Variants in RBBP4 observed in about 807,000 individuals in gnomAD.
The protein encoded by RBBP4 is histone-binding protein RBBP4.
Under a neutral mutation model 57.2 loss-of-function variants are expected in RBBP4, and 3 were observed. The ratio of observed to expected loss-of-function variants is 0.05; its 90% CI spans 0.02 to 0.14. RBBP4 has a LOEUF of 0.14. RBBP4 is among the 10% of genes least tolerant of loss of function. The pLI is 1.00. For synonymous variants in RBBP4, 151 were observed against 171.5 expected (o/e 0.88, Z 0.93); for missense variants, 107 against 520.6 (o/e 0.21, Z 7.73).
At chr1:32,653,151 G>T (rs1195781073) in intron 2 of RBBP4, among the ~76,000 whole-genome samples, 1 of 152,054 alleles carries the variant, frequency 6.6e-6, no homozygotes, top group Non-Finnish European at 1.5e-5. Context: ...ACATATCGGG[G>T]ATCCAAATTA....
intron 11 of RBBP4, among the ~76,000 whole-genome samples, chr1:32,678,774 G>T: frequency 6.6e-6 from 1 of 151,468 alleles, no homozygotes; most frequent in African/African-American, 2.4e-5. Flanking sequence ...ATTTGTAGTA[G>T]AGATGCAGTT....
intron 3 of RBBP4, among the ~76,000 whole-genome samples, chr1:32,666,601 C>T (rs1003810920): frequency 6.6e-6 from 1 of 152,134 alleles, no homozygotes; most frequent in African/African-American, 2.4e-5. Context: ...AGGTGATCTG[C>T]CCGCTTCAGC....
chr1:32,677,490 A>ATTTGTTTTGTTTTTTTTTTTTTT (rs1649155518), intron 11 of RBBP4, among the ~76,000 whole-genome samples: 1 of 149,894 alleles, frequency 6.7e-6, no homozygotes, highest in Non-Finnish European at 1.5e-5. Flanking sequence ...AACAAAACAA[A>ATTTGTTTTGTTTTTTTTTTTTTT]AAACAAACAA....
chr1:32,653,637 GTTT>G lies in RBBP4; in HGVS notation c.164+1596_164+1598del, dbSNP rs1053666893. Among the ~76,000 whole-genome samples the G allele has an allele frequency of 5.3e-4, 11 of 20,782 alleles. 1 individual carries two copies. Among genetic ancestry groups the G allele is most frequent in the East Asian group, 2.4e-3 (1 of 424 alleles). 13.6% of individuals were successfully genotyped at this position (20,782 alleles called of 152,430 possible). A position where few individuals can be genotyped will look rare whatever the true frequency, so the allele number is the denominator to read the frequency against. On this transcript the variant is annotated intron_variant, in intron 2 of 11. Transcript: ENST00000373493. ...TGCTTTGTGTGTTTTTTGTTTTCTG[GTTT>G]TTTTTTTTTTTTTTTTTTTGTTTTT... is the stretch of plus-strand genomic sequence containing the variant.
At chr1:32,659,992 A>C (rs369407471) in intron 3 of RBBP4, among the ~76,000 whole-genome samples, 3 of 152,242 alleles carry the variant, frequency 2.0e-5, no homozygotes, top group East Asian at 3.8e-4. Context: ...TTGAAGTCCC[A>C]CAACAGCGTA....
chr1:32,684,153 C>T lies in RBBP4; in HGVS notation c.*4448C>T. On this transcript the variant is annotated 3_prime_UTR_variant, in exon 12 of 12. Transcript: ENST00000373493. ...TAAGCACAATTTGAAAATCATTTCC[C>T]AAATCCTCTTTTTGTTTTTGATTCT... The T allele has an allele frequency of 6.2e-7, 1 of 1,606,432 alleles. No homozygotes were observed. The highest frequency in any genetic ancestry group is 1.1e-5 in the South Asian group (1 of 90,242).
At chr1:32,675,865 A>C (rs371609884) in intron 11 of RBBP4, among the ~76,000 whole-genome samples, 7 of 152,092 alleles carry the variant, frequency 4.6e-5, no homozygotes, top group African/African-American at 1.7e-4. Flanking sequence ...CCAAAGCCGG[A>C]GGATCACTTG....
intron 3 of RBBP4, among the ~76,000 whole-genome samples, chr1:32,665,592 C>T (rs780829964): frequency 4.0e-5 from 6 of 150,806 alleles, no homozygotes; most frequent in East Asian, 2.0e-4. Context: ...GCAGGAGAAT[C>T]GCTTGAACCC....
At chr1:32,664,164 T>A (rs1648548688) in intron 3 of RBBP4, among the ~76,000 whole-genome samples, 1 of 152,118 alleles carries the variant, frequency 6.6e-6, no homozygotes, top group Non-Finnish European at 1.5e-5. Flanking sequence ...TCCTGAACCC[T>A]GTCAAATTTA....
In RBBP4 at chr1:32,683,494, G is replaced by A. The variant is rs976987349; in HGVS notation, c.*3789G>A. ...AAAGCCTAGATGCCACAGAATTCAT[G>A]GTGATAATCAGGGCATATTTTGAGT... On this transcript the variant is annotated 3_prime_UTR_variant, in exon 12 of 12. Transcript: ENST00000373493. 2 of 152,554 alleles carry A rather than the reference G, an allele frequency of 1.3e-5. No individual in the cohort carries two copies. Among genetic ancestry groups the A allele is most frequent in the East Asian group, 1.9e-4 (1 of 5,200 alleles). 9.5% of individuals were successfully genotyped at this position (152,554 alleles called of 1,614,324 possible).
At chr1:32,674,088 G>A (rs756011593) in intron 11 of RBBP4, among the ~76,000 whole-genome samples, 2 of 152,206 alleles carry the variant, frequency 1.3e-5, no homozygotes, top group Non-Finnish European at 2.9e-5. Context: ...GCGACAGAGC[G>A]AGACTCCGTC....
At chr1:32,675,358 C>T (rs1315339859) in intron 11 of RBBP4, among the ~76,000 whole-genome samples, 3 of 151,900 alleles carry the variant, frequency 2.0e-5, no homozygotes, top group Non-Finnish European at 4.4e-5. Flanking sequence ...TAATTGAAGA[C>T]AGAAATAAAA....
chr1:32,678,163 G>C (rs954790178), intron 11 of RBBP4, among the ~76,000 whole-genome samples: 1 of 152,112 alleles, frequency 6.6e-6, no homozygotes, highest in African/African-American at 2.4e-5. Context: ...GTACCCATTA[G>C]CCATCATTTC....
chr1:32,661,670 G>A (rs2148520845), intron 3 of RBBP4, among the ~76,000 whole-genome samples: 1 of 151,944 alleles, frequency 6.6e-6, no homozygotes, highest in East Asian at 1.9e-4. Flanking sequence ...CACCAGCAGT[G>A]TCTAAGTGTT....
chr1:32,651,394 CAG>C, intron 1 of RBBP4, 72 bp downstream of exon 1: 1 of 1,398,230 alleles, frequency 7.2e-7, no homozygotes. Flanking sequence ...CATGGCCTAA[CAG>C]TGAGGGCAGG....
rs1649691466 is a variant in RBBP4 at position 32,684,627 on chromosome 1, A to T, written c.*4922A>T. On this transcript the variant is annotated 3_prime_UTR_variant, in exon 12 of 12. Transcript: ENST00000373493. ...TGTTAACCACAGCTTGCTTTAATAG[A>T]ATCCTGGGAGGGTGATTGGGACTTT... is the stretch of plus-strand genomic sequence containing the variant. The T allele has an allele frequency of 6.1e-6, 3 of 488,408 alleles. No homozygotes were observed. The South Asian group carries it at 6.9e-5, about 11-fold the overall frequency. 30.3% of individuals were successfully genotyped at this position (488,408 alleles called of 1,614,324 possible). A position where few individuals can be genotyped will look rare whatever the true frequency, so the allele number is the denominator to read the frequency against.
Position 32,684,743 on chromosome 1 carries a change from TTAAGA to T in RBBP4, c.*5042_*5046del, listed in dbSNP as rs765018784. On this transcript the variant is annotated 3_prime_UTR_variant, in exon 12 of 12. Transcript: ENST00000373493. Reference sequence around the variant, plus strand: ...ACCTCTCCCTCCATGTGCAGGTTTGTTAAGATAATTGGTAGTTTTTAATAATATAA... The same window carrying T: ...ACCTCTCCCTCCATGTGCAGGTTTGTTAATTGGTAGTTTTTAATAATATAA... The T allele has an allele frequency of 5.8e-6, 1 of 173,458 alleles. No homozygotes were observed. The highest frequency in any genetic ancestry group is 5.8e-5 in the Admixed American group (1 of 17,388). The allele number at this position is 173,458 out of a possible 1,614,324, so 10.7% of individuals were successfully genotyped here.
chr1:32,659,386 C>T (rs150866957), intron 3 of RBBP4, among the ~76,000 whole-genome samples: 2,193 of 151,884 alleles, frequency 0.014, 35 homozygotes, highest in African/African-American at 0.036. Flanking sequence ...CATAGTGAAA[C>T]CCTGTCTCTA....
intron 3 of RBBP4, among the ~76,000 whole-genome samples, chr1:32,659,164 TAC>T (rs917835888): frequency 2.7e-5 from 4 of 148,892 alleles, no homozygotes; most frequent in Non-Finnish European, 5.9e-5. Context: ...TATGTAATTT[TAC>T]ACACACACAA....
Sources: gnomAD v4.1 joint callset for allele counts (sites outside exome capture counted in the v4.1 genomes callset) on GRCh38, gnomAD v4.1.1 for gene constraint, MANE v1.5 for transcripts, NCBI Gene and HGNC (gene_info 2026-07-23, HGNC 2026-07-21) for gene names.